The following LRMDA variants were observed in gnomAD, a reference collection of about 807,000 sequenced individuals.
LRMDA encodes leucine-rich melanocyte differentiation-associated protein.
A neutral mutation model predicts 29.8 loss-of-function variants in LRMDA; 18 were observed. The observed-to-expected ratio is 0.60, with a 90% CI of 0.42 to 0.90. LRMDA has a LOEUF of 0.90. LRMDA is among the 40% of genes least tolerant of loss of function. The pLI is 0.00. For missense variants in LRMDA, 273 were observed against 273.9 expected (o/e 1.00, Z 0.02); for synonymous variants, 125 against 109.4 (o/e 1.14, Z -0.89).
At chr10:75,983,257 G>A (rs1300716244) in intron 2 of LRMDA, among the ~76,000 whole-genome samples, 1 of 152,176 alleles carries the variant, frequency 6.6e-6, no homozygotes, top group Non-Finnish European at 1.5e-5. Flanking sequence ...ACCATAGCAG[G>A]AACAAGGAAA....
chr10:76,251,314 G>T (rs544580881), intron 5 of LRMDA, among the ~76,000 whole-genome samples: 2 of 129,344 alleles, frequency 1.5e-5, no homozygotes, highest in African/African-American at 2.9e-5. Flanking sequence ...CTGCAGTGGC[G>T]CAATCTCGGC....
chr10:76,179,804 C>T (rs558468531), intron 5 of LRMDA, among the ~76,000 whole-genome samples: 2 of 152,222 alleles, frequency 1.3e-5, no homozygotes, highest in East Asian at 3.9e-4. Context: ...CCAACTGTCC[C>T]TCAAAAAAGA....
At chr10:75,739,967 A>G (rs934871132) in intron 2 of LRMDA, among the ~76,000 whole-genome samples, 2 of 152,186 alleles carry the variant, frequency 1.3e-5, no homozygotes, top group African/African-American at 4.8e-5. Flanking sequence ...ACTTTTGTTT[A>G]CTGGTGTCAC....
At chr10:76,423,650 G>T (rs1435520655) in intron 6 of LRMDA, among the ~76,000 whole-genome samples, 1 of 152,122 alleles carries the variant, frequency 6.6e-6, no homozygotes, top group Admixed American at 6.5e-5. Context: ...AAAGGGAATG[G>T]CACTGTTTCA....
chr10:75,745,183 GT>G, intron 2 of LRMDA, among the ~76,000 whole-genome samples: 1 of 152,280 alleles, frequency 6.6e-6, no homozygotes, highest in African/African-American at 2.4e-5. Context: ...AATATTGTCA[GT>G]TTTGTAAGAT....
At chr10:75,612,076 T>G (rs1209160998) in intron 2 of LRMDA, among the ~76,000 whole-genome samples, 1 of 152,212 alleles carries the variant, frequency 6.6e-6, no homozygotes, top group Non-Finnish European at 1.5e-5. Context: ...ACAATATAAC[T>G]CATTCAAATG....
chr10:76,040,212 C>A (rs1295449881), intron 3 of LRMDA, among the ~76,000 whole-genome samples: 1 of 152,168 alleles, frequency 6.6e-6, no homozygotes, highest in African/African-American at 2.4e-5. Flanking sequence ...GAGTCAGCAT[C>A]CTGAGCCTGC....
At chr10:75,588,560 A>G (rs1440675454) in intron 2 of LRMDA, among the ~76,000 whole-genome samples, 1 of 152,054 alleles carries the variant, frequency 6.6e-6, no homozygotes, top group South Asian at 2.1e-4. Context: ...GTCTAACTCA[A>G]TTGCGCTTTT....
At chr10:75,542,443 G>C (rs1840029829) in intron 2 of LRMDA, among the ~76,000 whole-genome samples, 1 of 152,058 alleles carries the variant, frequency 6.6e-6, no homozygotes, top group Non-Finnish European at 1.5e-5. Flanking sequence ...AGCATTCCTA[G>C]TCATCTTACC....
At chr10:76,211,581 ATAGTT>A (rs1851635021) in intron 5 of LRMDA, among the ~76,000 whole-genome samples, 1 of 152,218 alleles carries the variant, frequency 6.6e-6, no homozygotes, top group Admixed American at 6.5e-5. Context: ...TTTTTACTTT[ATAGTT>A]TGCTGAGCTG....
chr10:75,892,851 A>G (rs778852310), intron 2 of LRMDA, among the ~76,000 whole-genome samples: 23 of 152,288 alleles, frequency 1.5e-4, no homozygotes, highest in Middle Eastern at 3.4e-3. Context: ...GGGTAAACCT[A>G]TAGAGCTCAT....
chr10:75,922,380 T>C (rs1439848215), intron 2 of LRMDA, among the ~76,000 whole-genome samples: 6 of 152,186 alleles, frequency 3.9e-5, no homozygotes, highest in Non-Finnish European at 2.9e-5. Flanking sequence ...TGATGGACCA[T>C]GGGCATAAAG....
At chr10:75,557,807 A>G (rs1840233633) in intron 2 of LRMDA, among the ~76,000 whole-genome samples, 1 of 152,170 alleles carries the variant, frequency 6.6e-6, no homozygotes, top group Non-Finnish European at 1.5e-5. Context: ...TTAAAGCTAG[A>G]TAATGTATAC....
chr10:76,306,340 T>G (rs936386917), intron 5 of LRMDA, among the ~76,000 whole-genome samples: 1 of 152,262 alleles, frequency 6.6e-6, no homozygotes, highest in Non-Finnish European at 1.5e-5. Flanking sequence ...GCAGAGCATT[T>G]GTACATATCC....
At chr10:76,389,368 A>G (rs1841697192) in intron 6 of LRMDA, among the ~76,000 whole-genome samples, 1 of 152,232 alleles carries the variant, frequency 6.6e-6, no homozygotes, top group South Asian at 2.1e-4. Context: ...TGATCACCAT[A>G]CTGAGAGATC....
chr10:76,223,521 G>A (rs1851888306), intron 5 of LRMDA, among the ~76,000 whole-genome samples: 2 of 152,192 alleles, frequency 1.3e-5, no homozygotes, highest in African/African-American at 2.4e-5. Context: ...AAACTGCAAT[G>A]TGATGGTAAT....
chr10:75,524,219 T>C (rs1205297307), intron 2 of LRMDA, among the ~76,000 whole-genome samples: 1 of 152,068 alleles, frequency 6.6e-6, no homozygotes. Flanking sequence ...TTGGAAGAGG[T>C]TGGTTGGTCT....
intron 2 of LRMDA, among the ~76,000 whole-genome samples, chr10:75,761,504 G>A (rs1843093905): frequency 2.0e-5 from 3 of 152,172 alleles, no homozygotes; most frequent in African/African-American, 7.2e-5. Context: ...GAGACAGAAA[G>A]AAGCATAGAG....
At chr10:75,669,115 A>G (rs1356402098) in intron 2 of LRMDA, among the ~76,000 whole-genome samples, 2 of 152,114 alleles carry the variant, frequency 1.3e-5, no homozygotes, top group African/African-American at 4.8e-5. Flanking sequence ...TTAGCCCCTT[A>G]TGTTGTATTT....
Sources: allele counts gnomAD v4.1 joint callset (sites outside exome capture counted in the v4.1 genomes callset), GRCh38; gene constraint gnomAD v4.1.1; transcripts MANE v1.5; gene names NCBI Gene and HGNC (gene_info 2026-07-23, HGNC 2026-07-21).